TEAD1: variants seen among roughly 807,000 people sequenced by gnomAD.
TEAD1 encodes the protein TEA domain transcription factor 1, also known as transcriptional enhancer factor TEF-1.
TEAD1 carries 9 observed loss-of-function variants against 54.9 expected under a neutral mutation model. The ratio of observed to expected loss-of-function variants is 0.16; its 90% CI spans 0.10 to 0.29. The LOEUF (loss-of-function observed/expected upper bound fraction) is 0.29, where lower values mean the gene tolerates loss of function less well. TEAD1 is among the 10% of genes least tolerant of loss of function. The pLI, the probability that TEAD1 is intolerant of heterozygous loss-of-function variation, is 1.00. For missense variants in TEAD1, 387 were observed against 535.9 expected (o/e 0.72, Z 2.74); for synonymous variants, 200 against 187.8 (o/e 1.07, Z -0.53).
At chr11:12,723,548 C>T (rs61290873) in intron 2 of TEAD1, among the ~76,000 whole-genome samples, 2,652 of 152,220 alleles carry the variant, frequency 0.017, 77 homozygotes, top group African/African-American at 0.061. Flanking sequence ...GTTAATAGGG[C>T]GGTATTTGGA....
intron 5 of TEAD1, among the ~76,000 whole-genome samples, chr11:12,871,806 G>A (rs1278732705): frequency 2.0e-5 from 3 of 152,100 alleles, no homozygotes; most frequent in Non-Finnish European, 4.4e-5. Flanking sequence ...GGAAGTCTTC[G>A]CCGTGCCCTC....
intron 9 of TEAD1, among the ~76,000 whole-genome samples, chr11:12,883,925 G>A (rs1021435658): frequency 3.3e-5 from 5 of 151,836 alleles, no homozygotes; most frequent in African/African-American, 9.7e-5. Flanking sequence ...AACCCAGGAG[G>A]CGGAGGTTGC....
chr11:12,796,228 C>T (rs1945917407), intron 3 of TEAD1, among the ~76,000 whole-genome samples: 1 of 152,138 alleles, frequency 6.6e-6, no homozygotes, highest in African/African-American at 2.4e-5. Context: ...TTGTCCACCC[C>T]AGGAGCTTGG....
At chr11:12,772,399 A>AAGGAG (rs1945329473) in intron 3 of TEAD1, among the ~76,000 whole-genome samples, 1 of 152,142 alleles carries the variant, frequency 6.6e-6, no homozygotes, top group Non-Finnish European at 1.5e-5. Flanking sequence ...TTTAAAGGGA[A>AAGGAG]AGGAGCCTCT....
chr11:12,746,935 G>C (rs948180222), intron 2 of TEAD1, among the ~76,000 whole-genome samples: 2 of 152,240 alleles, frequency 1.3e-5, no homozygotes, highest in Non-Finnish European at 2.9e-5. Context: ...ACCTCAGACT[G>C]TGCGGCTCAG....
At chr11:12,767,179 C>G (rs1359979209) in intron 3 of TEAD1, among the ~76,000 whole-genome samples, 1 of 152,150 alleles carries the variant, frequency 6.6e-6, no homozygotes, top group African/African-American at 2.4e-5. Context: ...AGGCCCCAGC[C>G]ACTCGAGAAC....
intron 10 of TEAD1, among the ~76,000 whole-genome samples, chr11:12,905,899 A>T (rs1477375289): frequency 2.0e-5 from 3 of 152,184 alleles, no homozygotes; most frequent in Admixed American, 2.0e-4. Flanking sequence ...CTATGGAAGA[A>T]TACTATGTGT....
chr11:12,745,434 C>T (rs1205230078), intron 2 of TEAD1, among the ~76,000 whole-genome samples: 3 of 152,076 alleles, frequency 2.0e-5, no homozygotes, highest in Non-Finnish European at 2.9e-5. Context: ...ACTCACACTC[C>T]ACTGGTGATA....
chr11:12,814,420 T>C (rs1946371752), intron 3 of TEAD1, among the ~76,000 whole-genome samples: 1 of 152,118 alleles, frequency 6.6e-6, no homozygotes, highest in Non-Finnish European at 1.5e-5. Context: ...GCTGGAATCT[T>C]TGACCCCCTC....
intron 10 of TEAD1, among the ~76,000 whole-genome samples, chr11:12,913,177 T>C (rs1455183931): frequency 6.6e-6 from 1 of 152,198 alleles, no homozygotes; most frequent in East Asian, 1.9e-4. Flanking sequence ...TGCTTAAAAC[T>C]GAACCTAGGC....
intron 2 of TEAD1, among the ~76,000 whole-genome samples, chr11:12,694,286 GAA>G (rs1471703242): frequency 2.0e-5 from 3 of 149,630 alleles, no homozygotes; most frequent in African/African-American, 7.7e-5. Context: ...AGAAAGGAGA[GAA>G]AAAAGAGAGA....
intron 3 of TEAD1, among the ~76,000 whole-genome samples, chr11:12,831,514 G>T (rs1946781272): frequency 1.3e-5 from 2 of 152,250 alleles, no homozygotes; most frequent in South Asian, 4.2e-4. Flanking sequence ...TAAAAATAGG[G>T]TTCTAGAGGT....
At chr11:12,835,616 G>A (rs913215452) in intron 3 of TEAD1, among the ~76,000 whole-genome samples, 4 of 146,668 alleles carry the variant, frequency 2.7e-5, no homozygotes, top group Non-Finnish European at 6.0e-5. Context: ...CACCGTACCC[G>A]GTGGCTCTGA....
At chr11:12,829,540 G>T (rs1169336447) in intron 3 of TEAD1, among the ~76,000 whole-genome samples, 1 of 152,274 alleles carries the variant, frequency 6.6e-6, no homozygotes, top group Non-Finnish European at 1.5e-5. Flanking sequence ...CCTTGAATTT[G>T]TTTTTTATTC....
rs577828842 is a variant in TEAD1 at position 12,831,334 on chromosome 11, C to T, written c.203-30916C>T. On this transcript the variant is annotated intron_variant, in intron 3 of 12. Coordinates refer to ENST00000527636, the MANE Select transcript of TEAD1 (RefSeq NM_021961.6). ...GCCAGCTGAGGGCTTTCTTCTTTCC[C>T]TGAATTCCCCCAGTGCCCTGAGCTG... Among the ~76,000 whole-genome samples the T allele has an allele frequency of 2.2e-3, 328 of 152,242 alleles. 1 individual carries two copies. Among genetic ancestry groups the T allele is most frequent in the Non-Finnish European group, 2.8e-3 (192 of 68,026 alleles).
intron 3 of TEAD1, among the ~76,000 whole-genome samples, chr11:12,777,882 G>A (rs749015510): frequency 2.0e-5 from 3 of 152,150 alleles, no homozygotes; most frequent in Non-Finnish European, 2.9e-5. Context: ...ATTGTCAAGT[G>A]GGTTGAACAT....
At chr11:12,760,245 T>G (rs1945073440) in intron 2 of TEAD1, among the ~76,000 whole-genome samples, 1 of 152,244 alleles carries the variant, frequency 6.6e-6, no homozygotes, top group African/African-American at 2.4e-5. Flanking sequence ...CTCATGATCT[T>G]ACTAAATCTT....
chr11:12,744,877 G>A (rs1283301754), intron 2 of TEAD1, among the ~76,000 whole-genome samples: 1 of 152,152 alleles, frequency 6.6e-6, no homozygotes, highest in Non-Finnish European at 1.5e-5. Flanking sequence ...GCTCCCCCAG[G>A]CTTCCAGACT....
chr11:12,699,718 T>G (rs1038630148), intron 2 of TEAD1, among the ~76,000 whole-genome samples: 2 of 152,232 alleles, frequency 1.3e-5, no homozygotes, highest in African/African-American at 4.8e-5. Context: ...CTAGAAAACC[T>G]CTGGTACATA....
Sources: gnomAD v4.1 joint callset for allele counts (sites outside exome capture counted in the v4.1 genomes callset) on GRCh38, gnomAD v4.1.1 for gene constraint, MANE v1.5 for transcripts, NCBI Gene and HGNC (gene_info 2026-07-23, HGNC 2026-07-21) for gene names.